SLIT2: variants seen among roughly 807,000 people sequenced by gnomAD.
SLIT2 encodes slit homolog 2 protein.
SLIT2 carries 41 observed loss-of-function variants against 185.7 expected under a neutral mutation model. That is an observed-to-expected ratio of 0.22 (90% CI 0.17 to 0.29). The LOEUF is 0.29. SLIT2 is among the 10% of genes least tolerant of loss of function. The pLI, the probability that SLIT2 is intolerant of heterozygous loss-of-function variation, is 1.00. For synonymous variants in SLIT2, 693 were observed against 680.2 expected, an observed-to-expected ratio of 1.02 and a Z score of -0.29; for missense variants, 1,571 against 1,909.0, an observed-to-expected ratio of 0.82 and a Z score of 3.30.
chr4:20,426,478 C>A (rs961343565), intron 4 of SLIT2, among the ~76,000 whole-genome samples: 1 of 152,072 alleles, frequency 6.6e-6, no homozygotes, highest in Non-Finnish European at 1.5e-5. Flanking sequence ...AGTGTGTTAT[C>A]CAATCACAGA....
At chr4:20,455,331 C>A (rs867110299) in intron 4 of SLIT2, among the ~76,000 whole-genome samples, 1 of 152,032 alleles carries the variant, frequency 6.6e-6, no homozygotes, top group South Asian at 2.1e-4. Context: ...GACAAGACTT[C>A]TAAGAGAAGT....
At chr4:20,599,232 G>A (rs919923863) in intron 33 of SLIT2, among the ~76,000 whole-genome samples, 1 of 152,116 alleles carries the variant, frequency 6.6e-6, no homozygotes, top group African/African-American at 2.4e-5. Flanking sequence ...TGAAATGGGT[G>A]GTATTCGTGG....
At chr4:20,286,029 G>A (rs1715235240) in intron 4 of SLIT2, among the ~76,000 whole-genome samples, 1 of 152,194 alleles carries the variant, frequency 6.6e-6, no homozygotes, top group Non-Finnish European at 1.5e-5. Context: ...TAATATGGAG[G>A]AGGACCAAAT....
At chr4:20,318,757 G>A (rs1577422467) in intron 4 of SLIT2, among the ~76,000 whole-genome samples, 1 of 152,034 alleles carries the variant, frequency 6.6e-6, no homozygotes, top group African/African-American at 2.4e-5. Flanking sequence ...AACTTGACAT[G>A]TTTCTTTAGG....
chr4:20,419,961 TA>T (rs1728038894), intron 4 of SLIT2, among the ~76,000 whole-genome samples: 1 of 152,224 alleles, frequency 6.6e-6, no homozygotes, highest in Admixed American at 6.5e-5. Context: ...TGTGGAACAT[TA>T]ACATGGCTCA....
chr4:20,497,623 C>T (rs1282713636), intron 9 of SLIT2, among the ~76,000 whole-genome samples: 1 of 152,132 alleles, frequency 6.6e-6, no homozygotes, highest in Non-Finnish European at 1.5e-5. Context: ...TCCTATTCTC[C>T]GTTAAATGTT....
At position 20,252,775 on chromosome 4, in the gene SLIT2, G is replaced by A. The variant is rs369220264; in HGVS notation, c.-1041G>A. Among the ~76,000 whole-genome samples, 25 of 152,286 alleles carry A rather than the reference G, an allele frequency of 1.6e-4. No individual in the cohort carries two copies. The South Asian group carries it at 5.2e-3, about 32-fold the overall frequency. Reference sequence around the variant, plus strand: ...GGATCCCACCCGCCCACCTGCCACCGAGCCATTCTCCAGTACGCCCCAGCA... The same window carrying A: ...GGATCCCACCCGCCCACCTGCCACCAAGCCATTCTCCAGTACGCCCCAGCA... On this transcript the variant is annotated 5_prime_UTR_variant, in exon 1 of 37. Coordinates refer to ENST00000504154, the MANE Select transcript of SLIT2 (RefSeq NM_004787.4).
intron 4 of SLIT2, among the ~76,000 whole-genome samples, chr4:20,463,448 G>GATAGATAT (rs1459962322): frequency 1.1e-3 from 77 of 67,278 alleles, no homozygotes; most frequent in Non-Finnish European, 1.5e-3. Context: ...CTCAAACTGT[G>GATAGATAT]ATATATATAT....
intron 9 of SLIT2, among the ~76,000 whole-genome samples, chr4:20,499,584 G>T (rs1474914112): frequency 2.6e-5 from 4 of 152,064 alleles, no homozygotes; most frequent in African/African-American, 4.8e-5. Context: ...CCGCCTCCTG[G>T]GTTCACGCCA....
Position 20,549,074 on chromosome 4 carries a change from G to C in SLIT2, c.2435G>C (p.Arg812Pro). ...QLLTLILSYN[R>P]LRCIPPRTFD... Reference sequence around the variant, plus strand: ...GCTTTCAGAATTCTTAGTTACAACCGTCTGAGATGTATTCCTCCTCGCACC... The same window carrying C: ...GCTTTCAGAATTCTTAGTTACAACCCTCTGAGATGTATTCCTCCTCGCACC... Residue 812 changes from arginine (R) to proline (P), a missense_variant, in exon 24 of 37, where the codon CGT (arginine) becomes CCT (proline). By Grantham distance (103) the Arg-to-Pro change is moderately radical. Around this residue, in one of 3 missense-constraint regions of SLIT2, gnomAD observed 1,202 missense variants for 1,416.4 expected, o/e 0.85. Transcript: ENST00000504154. The C allele has an allele frequency of 6.3e-7, 1 of 1,598,582 alleles. No individual in the cohort carries two copies. The highest frequency in any genetic ancestry group is 8.6e-7 in the Non-Finnish European group (1 of 1,166,450).
chr4:20,261,457 T>TA (rs1296720932), intron 3 of SLIT2, among the ~76,000 whole-genome samples: 2 of 151,872 alleles, frequency 1.3e-5, no homozygotes, highest in South Asian at 4.1e-4. Flanking sequence ...CCTAGAGGGT[T>TA]AAAAAAATAA....
chr4:20,316,830 T>C (rs1718634951), intron 4 of SLIT2, among the ~76,000 whole-genome samples: 1 of 151,402 alleles, frequency 6.6e-6, no homozygotes, highest in African/African-American at 2.4e-5. Context: ...TTTTTTTTTT[T>C]TTTTAATCTC....
chr4:20,372,427 T>C (rs1186778539), intron 4 of SLIT2, among the ~76,000 whole-genome samples: 1 of 151,710 alleles, frequency 6.6e-6, no homozygotes, highest in Non-Finnish European at 1.5e-5. Flanking sequence ...AAAGGTAAAA[T>C]ACTGTTGAAT....
In SLIT2 at chr4:20,471,315, TTA is replaced by T. The variant is rs567059241; in HGVS notation, c.467+3495_467+3496del. 1.0e-3 allele frequency among the ~76,000 whole-genome samples: 157 copies of T among 152,224 alleles called. 4 individuals are homozygous for T. The highest frequency in any genetic ancestry group is 9.4e-3 in the Admixed American group (143 of 15,286). On this transcript the variant is annotated intron_variant, in intron 5 of 36. Transcript: ENST00000504154. ...TACGAAGGCTATCTGGTAAAATATA[TTA>T]TAACTGAGGGTAAATTTAATTCCTA...
At chr4:20,268,400 C>A (rs1215296521) in intron 3 of SLIT2, among the ~76,000 whole-genome samples, 1 of 151,470 alleles carries the variant, frequency 6.6e-6, no homozygotes, top group Non-Finnish European at 1.5e-5. Flanking sequence ...CATCTCCCCA[C>A]AATTCCTTGG....
At chr4:20,296,510 A>G (rs571642797) in intron 4 of SLIT2, among the ~76,000 whole-genome samples, 120 of 152,202 alleles carry the variant, frequency 7.9e-4, no homozygotes, top group Non-Finnish European at 1.4e-3. Context: ...GAGAACCTGT[A>G]GGACTGACAA....
chr4:20,345,112 T>A (rs188399105), intron 4 of SLIT2, among the ~76,000 whole-genome samples: 7 of 152,332 alleles, frequency 4.6e-5, no homozygotes, highest in Admixed American at 3.9e-4. Context: ...ATATCTATGT[T>A]TTAAATCAAA....
intron 18 of SLIT2, among the ~76,000 whole-genome samples, chr4:20,537,768 C>G (rs923692399): frequency 4.6e-5 from 7 of 152,058 alleles, no homozygotes; most frequent in Non-Finnish European, 8.8e-5. Context: ...TGTCTTGGAG[C>G]TATGAAGATT....
At chr4:20,469,418 G>C (rs532816672) in intron 5 of SLIT2, among the ~76,000 whole-genome samples, 1 of 152,054 alleles carries the variant, frequency 6.6e-6, no homozygotes, top group South Asian at 2.1e-4. Flanking sequence ...ATGGAAATAG[G>C]GACCAGTCAG....
Sources: gnomAD v4.1 joint callset for allele counts (sites outside exome capture counted in the v4.1 genomes callset) on GRCh38, gnomAD v4.1.1 for gene constraint, gnomAD v4.1.1 regional missense constraint, MANE v1.5 for transcripts, NCBI Gene and HGNC (gene_info 2026-07-23, HGNC 2026-07-21) for gene names.